The following PEAK1 variants were observed in gnomAD, a reference collection of about 807,000 sequenced individuals.
PEAK1 encodes the protein pseudopodium enriched atypical kinase 1, also known as inactive tyrosine-protein kinase PEAK1.
A neutral mutation model predicts 124.7 loss-of-function variants in PEAK1; 54 were observed. The ratio of observed to expected loss-of-function variants is 0.43; its 90% CI spans 0.35 to 0.54. The LOEUF (loss-of-function observed/expected upper bound fraction) is 0.54. Ranked by LOEUF, PEAK1 falls within the 20% of genes least tolerant of loss-of-function variation. The pLI is 0.01. For missense variants in PEAK1, 2,046 were observed against 2,134.5 expected (o/e 0.96, Z 0.82); for synonymous variants, 719 against 760.0 (o/e 0.95, Z 0.89).
At chr15:77,377,327 T>C (rs935414262) in intron 1 of PEAK1, among the ~76,000 whole-genome samples, 1 of 152,174 alleles carries the variant, frequency 6.6e-6, no homozygotes, top group African/African-American at 2.4e-5. Context: ...GAGTCTGCAG[T>C]GGGCAGTGAT....
At position 77,236,229 on chromosome 15, in the gene PEAK1, G is replaced by A. The variant is rs75199708; in HGVS notation, c.-115+16138C>T. Among the ~76,000 whole-genome samples, 522 of 152,306 alleles carry A rather than the reference G, an allele frequency of 3.4e-3. 3 individuals carry two copies. The highest frequency in any genetic ancestry group is 0.012 in the African/African-American group (494 of 41,582). On this transcript the variant is annotated intron_variant, in intron 6 of 9. Coordinates refer to ENST00000682557, the MANE Select transcript of PEAK1 (RefSeq NM_001385026.1). ...GCTTGCACTGTGCGTCTGGAAGAGC[G>A]GCAGACATTCAGTGCCAGCCTGTGA... is the stretch of plus-strand genomic sequence containing the variant.
intron 1 of PEAK1, among the ~76,000 whole-genome samples, chr15:77,408,056 CATAG>C (rs994582152): frequency 1.1e-4 from 16 of 149,870 alleles, no homozygotes; most frequent in East Asian, 5.8e-4. Context: ...CACATACATG[CATAG>C]ATACACATAT....
intron 8 of PEAK1, among the ~76,000 whole-genome samples, chr15:77,134,896 A>G (rs2152743785): frequency 6.6e-6 from 1 of 152,358 alleles, no homozygotes; most frequent in Middle Eastern, 3.4e-3. Context: ...CCCTAATCCA[A>G]TATGGCTGAT....
intron 7 of PEAK1, among the ~76,000 whole-genome samples, chr15:77,168,351 T>C (rs1288751362): frequency 1.3e-5 from 2 of 152,108 alleles, no homozygotes; most frequent in African/African-American, 4.8e-5. Flanking sequence ...TTAACATGCC[T>C]GACAACCACA....
intron 5 of PEAK1, among the ~76,000 whole-genome samples, chr15:77,267,676 G>A (rs1177745171): frequency 6.6e-6 from 1 of 152,172 alleles, no homozygotes; most frequent in Admixed American, 6.5e-5. Context: ...AGCACCACAT[G>A]AAGGGAGCAA....
chr15:77,272,547 T>C (rs2062092732), intron 5 of PEAK1, among the ~76,000 whole-genome samples: 1 of 152,070 alleles, frequency 6.6e-6, no homozygotes, highest in African/African-American at 2.4e-5. Context: ...ACAACCCTCC[T>C]AGATTAAACC....
chr15:77,163,909 C>T (rs891587129), intron 7 of PEAK1, among the ~76,000 whole-genome samples: 8 of 152,134 alleles, frequency 5.3e-5, no homozygotes, highest in Non-Finnish European at 1.0e-4. Context: ...AGAAACAAAA[C>T]GTCATCGTTT....
chr15:77,105,398 G>A (rs1258189760), downstream of PEAK1: 1 of 152,096 alleles, frequency 6.6e-6, no homozygotes, highest in East Asian at 1.9e-4. Flanking sequence ...GTTTATCTGG[G>A]ATCTCAAGGA....
rs2050963313 is a variant in PEAK1 at position 77,111,346 on chromosome 15, C to T, written c.*2810G>A. 1 of 152,186 alleles carries T rather than the reference C, an allele frequency of 6.6e-6. No homozygotes were observed. Among genetic ancestry groups the T allele is most frequent in the Non-Finnish European group, 1.5e-5 (1 of 68,038 alleles). 9.4% of individuals were successfully genotyped at this position (152,186 alleles called of 1,614,324 possible). A position where few individuals can be genotyped will look rare whatever the true frequency, so the allele number is the denominator to read the frequency against. ...GAAAAATATTTGTGATAATGTTAAA[C>T]TGACTGAATTTCATTTTTTTGGAAA... On this transcript the variant is annotated 3_prime_UTR_variant, in exon 10 of 10. Transcript: ENST00000682557.
intron 6 of PEAK1, among the ~76,000 whole-genome samples, chr15:77,203,990 G>C (rs1354974480): frequency 6.6e-6 from 1 of 152,134 alleles, no homozygotes; most frequent in Non-Finnish European, 1.5e-5. Context: ...GCCACATAGT[G>C]ATACGAAATA....
At chr15:77,346,034 T>G in intron 2 of PEAK1, 26 of 985,406 alleles carry the variant, frequency 2.6e-5, no homozygotes, top group Non-Finnish European at 3.1e-5. Context: ...TCAAGTAGTA[T>G]TCATTCAAAA....
At chr15:77,152,114 C>T (rs758095295) in intron 8 of PEAK1, among the ~76,000 whole-genome samples, 58 of 152,146 alleles carry the variant, frequency 3.8e-4, no homozygotes, top group Non-Finnish European at 8.1e-4. Context: ...TTCTTCCCAC[C>T]TATGAACATG....
chr15:77,415,937 C>T (rs1204495218), intron 1 of PEAK1, among the ~76,000 whole-genome samples: 2 of 152,220 alleles, frequency 1.3e-5, no homozygotes, highest in African/African-American at 4.8e-5. Flanking sequence ...GTATCTCCCC[C>T]TGCTTAAAGA....
intron 2 of PEAK1, among the ~76,000 whole-genome samples, chr15:77,363,321 G>A (rs919561978): frequency 2.0e-5 from 3 of 152,220 alleles, no homozygotes; most frequent in Non-Finnish European, 2.9e-5. Context: ...GCTCTTTACC[G>A]TATCTACATT....
chr15:77,389,207 G>A (rs2070239712), intron 1 of PEAK1, among the ~76,000 whole-genome samples: 1 of 151,930 alleles, frequency 6.6e-6, no homozygotes, highest in African/African-American at 2.4e-5. Context: ...CTCCTGTCTT[G>A]GTCTCCCAAA....
intron 2 of PEAK1, among the ~76,000 whole-genome samples, chr15:77,326,358 T>TA (rs1207157008): frequency 6.6e-6 from 1 of 152,166 alleles, no homozygotes; most frequent in Non-Finnish European, 1.5e-5. Context: ...AATAGGTAAG[T>TA]AAAGCCAGAA....
At chr15:77,144,244 C>T (rs898579667) in intron 8 of PEAK1, among the ~76,000 whole-genome samples, 5 of 152,156 alleles carry the variant, frequency 3.3e-5, no homozygotes, top group African/African-American at 1.2e-4. Context: ...TCTCATCAAC[C>T]CTTCCTATGA....
At chr15:77,138,861 C>CAA (rs34066984) in intron 8 of PEAK1, among the ~76,000 whole-genome samples, 30,621 of 130,980 alleles carry the variant, frequency 0.23, 3,575 homozygotes, top group Middle Eastern at 0.32. Flanking sequence ...GACTCTGTCT[C>CAA]AAAAAAAAAA....
chr15:77,276,606 T>C (rs771734309), intron 5 of PEAK1, among the ~76,000 whole-genome samples: 2 of 150,728 alleles, frequency 1.3e-5, no homozygotes, highest in African/African-American at 4.9e-5. Flanking sequence ...AGAAAGGAAA[T>C]GAAAAAAGAT....
Sources: allele counts gnomAD v4.1 joint callset (sites outside exome capture counted in the v4.1 genomes callset), GRCh38; gene constraint gnomAD v4.1.1; transcripts MANE v1.5; gene names NCBI Gene and HGNC (gene_info 2026-07-23, HGNC 2026-07-21).